STK17A: variants seen among roughly 807,000 people sequenced by gnomAD.
The protein encoded by STK17A is serine/threonine-protein kinase 17A.
Under a neutral mutation model 43.7 loss-of-function variants are expected in STK17A, and 26 were observed. That is an observed-to-expected ratio of 0.60 (90% CI 0.44 to 0.83). The LOEUF (loss-of-function observed/expected upper bound fraction) is 0.83. Among genes scored for constraint, STK17A ranks in the 40% least tolerant of loss-of-function variants. The pLI, the probability that STK17A is intolerant of heterozygous loss-of-function variation, is 0.00. For synonymous variants in STK17A, 191 were observed against 182.5 expected, an observed-to-expected ratio of 1.05 and a Z score of -0.38; for missense variants, 476 against 511.6, an observed-to-expected ratio of 0.93 and a Z score of 0.67.
At chr7:43,591,495 A>C (rs2082479539) in intron 1 of STK17A, among the ~76,000 whole-genome samples, 1 of 151,492 alleles carries the variant, frequency 6.6e-6, no homozygotes, top group Non-Finnish European at 1.5e-5. Context: ...CCTTCACAGA[A>C]AAACTTGCTG....
rs1396610741 is a variant in STK17A, at chr7:43,625,163, CAAGTAA to C, written c.*326_*331del. 3 of 208,482 alleles carry C rather than the reference CAAGTAA, an allele frequency of 1.4e-5. No homozygotes were observed. The highest frequency in any genetic ancestry group is 2.9e-5 in the Non-Finnish European group (3 of 103,920). 12.9% of individuals were successfully genotyped at this position (208,482 alleles called of 1,614,324 possible). A position where few individuals can be genotyped will look rare whatever the true frequency, so the allele number is the denominator to read the frequency against. The stretch of plus-strand genomic sequence containing the variant: ...TTGTATTCACTTTCTTTAAAAAATC[CAAGTAA>C]AAGTGCCAAAACTACACTTCTGTAA... On this transcript the variant is annotated 3_prime_UTR_variant, in exon 7 of 7. Coordinates refer to ENST00000319357, the MANE Select transcript of STK17A (RefSeq NM_004760.3).
At chr7:43,618,239 G>C (rs1010091567) in intron 3 of STK17A, among the ~76,000 whole-genome samples, 1 of 152,210 alleles carries the variant, frequency 6.6e-6, no homozygotes, top group East Asian at 1.9e-4. Context: ...GGAAGGAGCA[G>C]GGGAGGCCAG....
chr7:43,619,583 G>C lies in STK17A; in HGVS notation c.565-14G>C, dbSNP rs6950861. On this transcript the variant is annotated splice_polypyrimidine_tract_variant and intron_variant, in intron 3 of 6. Coordinates refer to ENST00000319357, the MANE Select transcript of STK17A (RefSeq NM_004760.3). ...TAGTTATATTGATTTTTGCGGGGGT[G>C]TATTTTCTTTTAGCCTCAGAATATT... 6.2e-7 allele frequency: 1 copy of C among 1,609,930 alleles called. No homozygotes were observed. Among genetic ancestry groups the C allele is most frequent in the South Asian group, 1.1e-5 (1 of 90,138 alleles).
chr7:43,623,824 G>T lies in STK17A; in HGVS notation c.856G>T (p.Glu286Ter), dbSNP rs3779062. 1.2e-6 allele frequency: 2 copies of T among 1,601,776 alleles called. No individual in the cohort carries two copies. The highest frequency in any genetic ancestry group is 2.3e-5 in the South Asian group (2 of 87,804). The part of the protein sequence containing the change: ...SQMNLSYSEE[E>*]FDVLSESAVD... Reference sequence around the variant, plus strand: ...GATGAATTTAAGTTATTCTGAGGAAGAATTTGATGTTTTGTCTGAGTCGGC... The same window carrying T: ...GATGAATTTAAGTTATTCTGAGGAATAATTTGATGTTTTGTCTGAGTCGGC... Residue 286 changes from glutamate to a stop codon, truncating the protein, a stop_gained, in exon 6 of 7, where the codon GAA becomes TAA. Transcript: ENST00000319357. LOFTEE classifies it high-confidence loss of function.
At chr7:43,587,312 G>A (rs2330877) in intron 1 of STK17A, among the ~76,000 whole-genome samples, 14,859 of 150,654 alleles carry the variant, frequency 0.099, 1,137 homozygotes, top group Admixed American at 0.18. Context: ...CTGCCACCAT[G>A]CCTGGCTAAT....
At chr7:43,621,881 A>T (rs2083930908) in intron 4 of STK17A, among the ~76,000 whole-genome samples, 1 of 152,070 alleles carries the variant, frequency 6.6e-6, no homozygotes, top group South Asian at 2.1e-4. Context: ...ACCTTTTAAA[A>T]GGTGAGTTTA....
intron 1 of STK17A, among the ~76,000 whole-genome samples, chr7:43,595,289 C>CTTT (rs1379359635): frequency 0.2 from 14,800 of 75,610 alleles, 1,159 homozygotes; most frequent in Non-Finnish European, 0.29. Context: ...TTTTTTTTTC[C>CTTT]CCCCTGGAGA....
At chr7:43,600,408 T>G (rs1466136333) in intron 2 of STK17A, among the ~76,000 whole-genome samples, 5 of 152,210 alleles carry the variant, frequency 3.3e-5, no homozygotes, top group Non-Finnish European at 7.3e-5. Context: ...TTTGATCTTT[T>G]GGGATTTTTA....
Position 43,583,284 on chromosome 7 carries a change from C to T in STK17A, c.41C>T (p.Pro14Leu). The T allele has an allele frequency of 1.9e-6, 3 of 1,542,940 alleles. No individual in the cohort carries two copies. The highest frequency in any genetic ancestry group is 2.7e-5 in the East Asian group (1 of 36,574). The change falls in exon 1 of 7, where the codon CCA (proline) becomes CTA (leucine). Residue 14 changes from proline (P) to leucine (L), a missense_variant. Coordinates refer to ENST00000319357, the MANE Select transcript of STK17A (RefSeq NM_004760.3). ...LEKPGSGGSS[P>L]GATSGSGRAG... Reference sequence around the variant, plus strand: ...AAGCCAGGCAGCGGCGGCTCCTCCCCAGGCGCCACCTCAGGCTCGGGCCGG... The same window carrying T: ...AAGCCAGGCAGCGGCGGCTCCTCCCTAGGCGCCACCTCAGGCTCGGGCCGG...
At chr7:43,615,865 T>C (rs1436623666) in intron 3 of STK17A, among the ~76,000 whole-genome samples, 15 of 152,198 alleles carry the variant, frequency 9.9e-5, no homozygotes, top group Admixed American at 9.8e-4. Flanking sequence ...TTTTTTAACA[T>C]TGTCCTCTCC....
intron 2 of STK17A, among the ~76,000 whole-genome samples, chr7:43,602,704 T>C (rs1349055655): frequency 1.3e-5 from 2 of 152,244 alleles, no homozygotes; most frequent in Admixed American, 6.5e-5. Flanking sequence ...GCGTTACTTA[T>C]GTCATACATT....
intron 4 of STK17A, among the ~76,000 whole-genome samples, chr7:43,621,814 C>A (rs1051537677): frequency 5.3e-5 from 8 of 152,088 alleles, no homozygotes; most frequent in Non-Finnish European, 2.9e-5. Context: ...AAAAATGATT[C>A]AAAAGTACAT....
rs150996278 is a variant in STK17A, at chr7:43,585,542, C to A, written c.206+2093C>A. 1.2e-3 allele frequency among the ~76,000 whole-genome samples: 177 copies of A among 151,536 alleles called. 2 individuals are homozygous for A. Among genetic ancestry groups the A allele is most frequent in the African/African-American group, 4.1e-3 (171 of 41,438 alleles). ...TAACAATGCAGTTATTAGATAAATA[C>A]TTGATATAAGAGCCTGGAACTGAAA... On this transcript the variant is annotated intron_variant, in intron 1 of 6. Coordinates refer to ENST00000319357, the MANE Select transcript of STK17A (RefSeq NM_004760.3).
chr7:43,594,597 G>T (rs1029355427), intron 1 of STK17A, among the ~76,000 whole-genome samples: 1 of 152,178 alleles, frequency 6.6e-6, no homozygotes, highest in African/African-American at 2.4e-5. Context: ...AGGATTCAGT[G>T]GATGTTTACG....
intron 2 of STK17A, among the ~76,000 whole-genome samples, chr7:43,599,018 G>A (rs770340253): frequency 6.6e-6 from 1 of 152,138 alleles, no homozygotes; most frequent in Non-Finnish European, 1.5e-5. Context: ...ACCTGCCTTG[G>A]CCTCCCAAAG....
chr7:43,623,990 A>G (rs1247824628), intron 6 of STK17A, 102 bp downstream of exon 6: 16 of 800,122 alleles, frequency 2.0e-5, no homozygotes, highest in African/African-American at 1.1e-4. Flanking sequence ...CCAACCAAAA[A>G]TAGTTCAACT....
chr7:43,609,819 T>C (rs1583568773), intron 3 of STK17A, among the ~76,000 whole-genome samples: 2 of 152,322 alleles, frequency 1.3e-5, no homozygotes, highest in East Asian at 3.9e-4. Flanking sequence ...CCATCCTGAA[T>C]TGCAGCATCA....
chr7:43,583,322 C>G lies in STK17A; in HGVS notation c.79C>G (p.Leu27Val). 6.8e-7 allele frequency: 1 copy of G among 1,472,036 alleles called. No individual in the cohort carries two copies. The highest frequency in any genetic ancestry group is 1.3e-5 in the South Asian group (1 of 75,270). The allele number at this position is 1,472,036 out of a possible 1,614,324, so 91.2% of individuals were successfully genotyped here. A position where few individuals can be genotyped will look rare whatever the true frequency, so the allele number is the denominator to read the frequency against. ...AGGCTCGGGCCGGGCAGGCCGGGGTCTGAGCGGGCCGTGCCGGCCGCCGCC... is the reference window on the plus strand; with the variant it reads ...AGGCTCGGGCCGGGCAGGCCGGGGTGTGAGCGGGCCGTGCCGGCCGCCGCC... ...TSGSGRAGRG[L>V]SGPCRPPPPP... is the part of the protein sequence containing the mutation. Residue 27 changes from leucine (L) to valine (V), a missense_variant, in exon 1 of 7, where the codon CTG becomes GTG. Physicochemically the swap from Leu to Val is conservative, Grantham distance 32. Around this residue, in one of 3 missense-constraint regions of STK17A, gnomAD observed 320 missense variants for 326.3 expected, o/e 0.98. Coordinates refer to ENST00000319357, the MANE Select transcript of STK17A (RefSeq NM_004760.3).
chr7:43,624,207 A>G (rs891813227), intron 6 of STK17A, among the ~76,000 whole-genome samples: 1 of 152,226 alleles, frequency 6.6e-6, no homozygotes, highest in Non-Finnish European at 1.5e-5. Context: ...CTCATAATTC[A>G]TGGTTAGTAG....
Sources: gnomAD v4.1 joint callset for allele counts (sites outside exome capture counted in the v4.1 genomes callset) on GRCh38, gnomAD v4.1.1 for gene constraint, gnomAD v4.1.1 regional missense constraint, MANE v1.5 for transcripts, NCBI Gene and HGNC (gene_info 2026-07-23, HGNC 2026-07-21) for gene names.